Variants in ARHGAP28 observed in about 807,000 individuals in gnomAD.
The protein encoded by ARHGAP28 is rho GTPase-activating protein 28.
ARHGAP28 carries 56 observed loss-of-function variants against 90.7 expected under a neutral mutation model. The observed-to-expected ratio is 0.62, with a 90% CI of 0.50 to 0.77. The LOEUF is 0.77. ARHGAP28 is among the 30% of genes least tolerant of loss of function. The probability of loss-of-function intolerance (pLI) is 0.00; values close to 1 mark genes in which losing one functional copy is unlikely to be tolerated. For synonymous variants in ARHGAP28, 308 were observed against 323.3 expected (o/e 0.95, Z 0.51); for missense variants, 869 against 900.9 (o/e 0.96, Z 0.45).
At chr18:6,856,000 T>A (rs556874327) in intron 4 of ARHGAP28, among the ~76,000 whole-genome samples, 1 of 152,278 alleles carries the variant, frequency 6.6e-6, no homozygotes, top group South Asian at 2.1e-4. Context: ...TCTGGGCCAG[T>A]AGCACAAGCC....
At chr18:6,781,383 C>T (rs1446968227) in intron 1 of ARHGAP28, among the ~76,000 whole-genome samples, 1 of 152,180 alleles carries the variant, frequency 6.6e-6, no homozygotes, top group Non-Finnish European at 1.5e-5. Flanking sequence ...GCAGCCCCTG[C>T]CACGGGGATC....
chr18:6,746,965 T>C (rs1055602221), intron 1 of ARHGAP28, among the ~76,000 whole-genome samples: 1 of 152,090 alleles, frequency 6.6e-6, no homozygotes, highest in Non-Finnish European at 1.5e-5. Context: ...TGTCTAAGTC[T>C]GTTTTAAAAT....
intron 2 of ARHGAP28, 22 bp downstream of exon 2, chr18:6,824,986 C>A (rs768005315): frequency 1.3e-6 from 2 of 1,516,316 alleles, no homozygotes. Context: ...GATTTGTCTT[C>A]CTATGTGCTG....
chr18:6,841,213 CTCT>C (rs1169192498), intron 3 of ARHGAP28, among the ~76,000 whole-genome samples: 1 of 125,736 alleles, frequency 8.0e-6, no homozygotes, highest in Non-Finnish European at 1.6e-5. Flanking sequence ...CCTCTCCTCT[CTCT>C]CTCTCTCCCC....
intron 1 of ARHGAP28, among the ~76,000 whole-genome samples, chr18:6,775,580 A>C (rs1436491046): frequency 6.6e-6 from 1 of 152,202 alleles, no homozygotes; most frequent in Non-Finnish European, 1.5e-5. Context: ...GGGCAATGAT[A>C]GGCCACGTGA....
At chr18:6,758,746 A>T (rs904111046) in intron 1 of ARHGAP28, among the ~76,000 whole-genome samples, 6 of 152,190 alleles carry the variant, frequency 3.9e-5, no homozygotes, top group Non-Finnish European at 7.3e-5. Context: ...CAGACCTGAA[A>T]ATAAGGTTTT....
At chr18:6,878,804 C>T (rs1425601074) in intron 10 of ARHGAP28, among the ~76,000 whole-genome samples, 6 of 152,104 alleles carry the variant, frequency 3.9e-5, no homozygotes, top group Non-Finnish European at 7.4e-5. Flanking sequence ...GAACAGAAAC[C>T]GGGAAACACT....
chr18:6,742,851 A>T (rs181558392), intron 1 of ARHGAP28, among the ~76,000 whole-genome samples: 1 of 152,298 alleles, frequency 6.6e-6, no homozygotes, highest in East Asian at 1.9e-4. Context: ...GACCAACAGG[A>T]TGAGAGCATT....
intron 1 of ARHGAP28, among the ~76,000 whole-genome samples, chr18:6,776,668 A>T (rs1431499195): frequency 1.3e-5 from 2 of 152,232 alleles, no homozygotes; most frequent in Non-Finnish European, 2.9e-5. Flanking sequence ...GAGGAGGATT[A>T]TAATAGGTAA....
intron 1 of ARHGAP28, among the ~76,000 whole-genome samples, chr18:6,796,117 G>A (rs903306510): frequency 1.3e-5 from 2 of 152,090 alleles, no homozygotes; most frequent in African/African-American, 2.4e-5. Context: ...TCTTTAGAAG[G>A]CCCAGGAACG....
At chr18:6,746,860 C>T (rs767699597) in intron 1 of ARHGAP28, among the ~76,000 whole-genome samples, 1 of 152,132 alleles carries the variant, frequency 6.6e-6, no homozygotes, top group Non-Finnish European at 1.5e-5. Context: ...GTTCTGAAAA[C>T]TTAACCAGGG....
chr18:6,836,011 T>C (rs1297679400), intron 2 of ARHGAP28: 1 of 152,184 alleles, frequency 6.6e-6, no homozygotes, highest in Non-Finnish European at 1.5e-5. Context: ...TGGTCACTGA[T>C]GTTTGCCTTT....
intron 10 of ARHGAP28, among the ~76,000 whole-genome samples, chr18:6,877,360 C>T (rs1475587530): frequency 3.3e-5 from 5 of 152,098 alleles, no homozygotes; most frequent in Non-Finnish European, 7.4e-5. Context: ...GCTCTAACCA[C>T]GGTGCAGGTC....
At chr18:6,803,593 A>G (rs2056497982) in intron 1 of ARHGAP28, among the ~76,000 whole-genome samples, 1 of 152,182 alleles carries the variant, frequency 6.6e-6, no homozygotes, top group Non-Finnish European at 1.5e-5. Context: ...CTGGCCTCAT[A>G]GAATGAGTTA....
In ARHGAP28 at chr18:6,854,979, C is replaced by T. The variant is rs186852741; in HGVS notation, c.636+3853C>T. Among the ~76,000 whole-genome samples, 527 of 152,328 alleles carry T rather than the reference C, an allele frequency of 3.5e-3. 7 individuals carry two copies. Among genetic ancestry groups the T allele is most frequent in the African/African-American group, 0.012 (494 of 41,572 alleles). Reference sequence around the variant, plus strand: ...CAGGGTGGTGCTTACATTCCAGTCCCCTGCCCCCTTGGCCCCCCTCAGAAC... The same window carrying T: ...CAGGGTGGTGCTTACATTCCAGTCCTCTGCCCCCTTGGCCCCCCTCAGAAC... On this transcript the variant is annotated intron_variant, in intron 4 of 17. Transcript: ENST00000383472.
intron 1 of ARHGAP28, among the ~76,000 whole-genome samples, chr18:6,821,572 CT>C (rs1262517451): frequency 1.3e-5 from 2 of 152,166 alleles, no homozygotes; most frequent in Admixed American, 6.6e-5. Context: ...CTTCTCCACC[CT>C]GGGGTGAAGG....
At chr18:6,854,074 A>G (rs1377172559) in intron 4 of ARHGAP28, among the ~76,000 whole-genome samples, 2 of 151,938 alleles carry the variant, frequency 1.3e-5, no homozygotes, top group African/African-American at 4.8e-5. Context: ...ACTTAGTTAC[A>G]TGAAAGTTGA....
intron 1 of ARHGAP28, among the ~76,000 whole-genome samples, chr18:6,802,336 T>C (rs1039807045): frequency 1.4e-5 from 1 of 72,592 alleles, no homozygotes; most frequent in Non-Finnish European, 3.0e-5. Flanking sequence ...ATGGTAGTTC[T>C]TTTTTTTTTT....
At chr18:6,884,670 T>C (rs1208668584) in intron 11 of ARHGAP28, among the ~76,000 whole-genome samples, 2 of 152,200 alleles carry the variant, frequency 1.3e-5, no homozygotes, top group Non-Finnish European at 2.9e-5. Flanking sequence ...TGTGTTCAGT[T>C]GTTCAATCCT....
Sources: allele counts gnomAD v4.1 joint callset (sites outside exome capture counted in the v4.1 genomes callset), GRCh38; gene constraint gnomAD v4.1.1; transcripts MANE v1.5; gene names NCBI Gene and HGNC (gene_info 2026-07-23, HGNC 2026-07-21).